The following LIMK2 variants were observed in gnomAD, a reference collection of about 807,000 sequenced individuals.
The protein encoded by LIMK2 is LIM domain kinase 2.
A neutral mutation model predicts 75.7 loss-of-function variants in LIMK2; 35 were observed. The observed-to-expected ratio is 0.46, with a 90% CI of 0.35 to 0.61. The LOEUF (loss-of-function observed/expected upper bound fraction) is 0.61, where lower values mean the gene tolerates loss of function less well. Ranked by LOEUF, LIMK2 falls within the 20% of genes least tolerant of loss-of-function variation. LIMK2 has a pLI of 0.00. For synonymous variants in LIMK2, 301 were observed against 319.2 expected, an observed-to-expected ratio of 0.94 and a Z score of 0.61; for missense variants, 623 against 831.0, an observed-to-expected ratio of 0.75 and a Z score of 3.08.
chr22:31,240,926 G>C (rs138276676), intron 2 of LIMK2, among the ~76,000 whole-genome samples: 1 of 152,258 alleles, frequency 6.6e-6, no homozygotes, highest in African/African-American at 2.4e-5. Context: ...CAAGCTATCT[G>C]TACATTCATT....
Position 31,234,035 on chromosome 22 carries a change from C to CA in LIMK2, c.116+8217dup, listed in dbSNP as rs1224796982. Among the ~76,000 whole-genome samples the CA allele has an allele frequency of 2.6e-5, 4 of 151,916 alleles. No individual in the cohort carries two copies. In the East Asian group the frequency reaches 7.8e-4, roughly 29 times the overall value. On this transcript the variant is annotated intron_variant, in intron 2 of 15. Coordinates refer to ENST00000331728, the MANE Select transcript of LIMK2 (RefSeq NM_005569.4). ...GTTGTTTGTTTTGTTTTGTTTTAGA[C>CA]AGAGTCTCACTCTGTTCCCCAGGCT...
At chr22:31,223,086 A>C (rs1415143163) in intron 1 of LIMK2, among the ~76,000 whole-genome samples, 1 of 152,220 alleles carries the variant, frequency 6.6e-6, no homozygotes, top group African/African-American at 2.4e-5. Context: ...AGCTGAGTAC[A>C]GCAGATAGGG....
chr22:31,237,095 A>G (rs1418060877), intron 2 of LIMK2, among the ~76,000 whole-genome samples: 1 of 147,744 alleles, frequency 6.8e-6, no homozygotes, highest in Non-Finnish European at 1.5e-5. Context: ...CCGCGTCTCT[A>G]CTAAAAATAC....
intron 12 of LIMK2, among the ~76,000 whole-genome samples, chr22:31,272,317 C>T (rs1323788492): frequency 2.7e-5 from 4 of 148,984 alleles, no homozygotes; most frequent in East Asian, 2.0e-4. Flanking sequence ...TCAGGTGATT[C>T]ACCCGCCTTG....
chr22:31,248,416 T>C (rs1453673258), intron 2 of LIMK2: 2 of 1,406,360 alleles, frequency 1.4e-6, no homozygotes, highest in African/African-American at 2.9e-5. Flanking sequence ...AGAATGCCAG[T>C]GTGTGTGTAG....
chr22:31,240,757 C>T (rs1458902512), intron 2 of LIMK2, among the ~76,000 whole-genome samples: 1 of 152,142 alleles, frequency 6.6e-6, no homozygotes, highest in Non-Finnish European at 1.5e-5. Context: ...GTGAGCACCA[C>T]TGCCGCGTCA....
chr22:31,234,106 G>A (rs570923190), intron 2 of LIMK2, among the ~76,000 whole-genome samples: 15 of 152,014 alleles, frequency 9.9e-5, no homozygotes, highest in East Asian at 9.8e-4. Context: ...TCTGCCTCCC[G>A]GGTTTAAGCA....
intron 15 of LIMK2, chr22:31,275,686 C>G (rs12168242): frequency 0.044 from 7,688 of 173,730 alleles, 675 homozygotes; most frequent in East Asian, 0.37. Context: ...CTTGTGTTTA[C>G]TATCCAGTCT....
At chr22:31,252,786 A>G (rs2048738641) in intron 2 of LIMK2, among the ~76,000 whole-genome samples, 1 of 152,184 alleles carries the variant, frequency 6.6e-6, no homozygotes, top group Admixed American at 6.5e-5. Context: ...ACATCTGTAC[A>G]TAATTTAATT....
intron 2 of LIMK2, among the ~76,000 whole-genome samples, chr22:31,250,551 G>A (rs931978202): frequency 2.0e-5 from 3 of 150,964 alleles, no homozygotes; most frequent in African/African-American, 4.9e-5. Context: ...AGTCTGGGGG[G>A]TACTGACTGA....
At position 31,274,247 on chromosome 22, in the gene LIMK2, G is replaced by C. The variant is rs560407708; in HGVS notation, c.1614+740G>C. Reference sequence around the variant, plus strand: ...CACGTGGACAGAGTGAGGAATCTTGGAAAGATTCCTACCTTTAGGAGTTTA... The same window carrying C: ...CACGTGGACAGAGTGAGGAATCTTGCAAAGATTCCTACCTTTAGGAGTTTA... On this transcript the variant is annotated intron_variant, in intron 14 of 15. Coordinates refer to ENST00000331728, the MANE Select transcript of LIMK2 (RefSeq NM_005569.4). Among the ~76,000 whole-genome samples the C allele has an allele frequency of 1.6e-4, 24 of 152,146 alleles. No homozygotes were observed. In the South Asian group the frequency reaches 4.8e-3, roughly 30 times the overall value.
At chr22:31,272,801 G>A (rs1003585980) in intron 13 of LIMK2, 97 bp downstream of exon 13, 35 of 1,471,774 alleles carry the variant, frequency 2.4e-5, no homozygotes, top group Non-Finnish European at 2.7e-5. Context: ...CCTGTGAAGC[G>A]TAGGACCGGA....
chr22:31,234,953 G>C (rs962537704), intron 2 of LIMK2, among the ~76,000 whole-genome samples: 2 of 152,032 alleles, frequency 1.3e-5, no homozygotes, highest in Admixed American at 1.3e-4. Context: ...TACCTGGATG[G>C]CTCAGAGAAA....
At chr22:31,221,053 G>A (rs2048429571) in intron 1 of LIMK2, among the ~76,000 whole-genome samples, 1 of 152,134 alleles carries the variant, frequency 6.6e-6, no homozygotes, top group Non-Finnish European at 1.5e-5. Flanking sequence ...CAGGATGCAA[G>A]TACATGAATA....
In LIMK2 at chr22:31,278,600, G is replaced by A; in HGVS notation, c.*159G>A. ...TATTACCTCCCCAGGAGGCAAGTGGGCGCAGCACCAGGGAAATGTATCTCC... is the reference window on the plus strand; with the variant it reads ...TATTACCTCCCCAGGAGGCAAGTGGACGCAGCACCAGGGAAATGTATCTCC... On this transcript the variant is annotated 3_prime_UTR_variant, in exon 16 of 16. Transcript: ENST00000331728. 1.6e-6 allele frequency: 1 copy of A among 627,086 alleles called. No homozygotes were observed. Among genetic ancestry groups the A allele is most frequent in the Middle Eastern group, 4.7e-4 (1 of 2,110 alleles). The allele number at this position is 627,086 out of a possible 1,614,324, so 38.8% of individuals were successfully genotyped here.
At chr22:31,270,915 G>T (rs1417625675) in intron 11 of LIMK2, among the ~76,000 whole-genome samples, 1 of 152,218 alleles carries the variant, frequency 6.6e-6, no homozygotes, top group Non-Finnish European at 1.5e-5. Context: ...TGAACCAAAG[G>T]ATGGGCAGGA....
chr22:31,274,086 A>C (rs2123866023), intron 14 of LIMK2, among the ~76,000 whole-genome samples: 1 of 150,180 alleles, frequency 6.7e-6, no homozygotes, highest in South Asian at 2.1e-4. Flanking sequence ...GGCAGATGAG[A>C]CTCAGAATTC....
intron 13 of LIMK2, 43 bp downstream of exon 13, chr22:31,272,747 C>A: frequency 6.5e-7 from 1 of 1,535,726 alleles, no homozygotes; most frequent in Non-Finnish European, 8.8e-7. Flanking sequence ...AGAGGGAGGA[C>A]AGATGCTGCC....
At chr22:31,277,593 T>G (rs2049044731) in intron 15 of LIMK2, 1 of 948,622 alleles carries the variant, frequency 1.1e-6, no homozygotes, top group African/African-American at 1.8e-5. Flanking sequence ...ATACCTCTTG[T>G]CATTCTAAAT....
Sources: gnomAD v4.1 joint callset for allele counts (sites outside exome capture counted in the v4.1 genomes callset) on GRCh38, gnomAD v4.1.1 for gene constraint, MANE v1.5 for transcripts, NCBI Gene and HGNC (gene_info 2026-07-23, HGNC 2026-07-21) for gene names.